RANBP2: variants seen among roughly 807,000 people sequenced by gnomAD.
RANBP2 encodes RAN binding protein 2.
Under a neutral mutation model 303.6 loss-of-function variants are expected in RANBP2, and 57 were observed. That is an observed-to-expected ratio of 0.19 (90% CI 0.15 to 0.23). The LOEUF (loss-of-function observed/expected upper bound fraction) is 0.23. Ranked by LOEUF, RANBP2 falls within the 10% of genes least tolerant of loss-of-function variation. The pLI, the probability that RANBP2 is intolerant of heterozygous loss-of-function variation, is 1.00. For synonymous variants in RANBP2, 1,167 were observed against 1,301.5 expected, an observed-to-expected ratio of 0.90 and a Z score of 2.23; for missense variants, 3,138 against 3,780.8, an observed-to-expected ratio of 0.83 and a Z score of 4.46.
chr2:109,078,851 T>C, the RANBP2 span, among the ~76,000 whole-genome samples: 7 of 145,304 alleles, frequency 4.8e-5, no homozygotes, highest in South Asian at 1.1e-3. Context: ...AATAGCCGGG[T>C]GTGGTGGCAC....
chr2:109,253,697 G>A, the RANBP2 span, among the ~76,000 whole-genome samples: 2 of 152,088 alleles, frequency 1.3e-5, no homozygotes, highest in African/African-American at 4.8e-5. Flanking sequence ...TGGCTGTCTG[G>A]AAAATAGAAC....
At chr2:109,106,241 A>G in the RANBP2 span, among the ~76,000 whole-genome samples, 2 of 152,158 alleles carry the variant, frequency 1.3e-5, no homozygotes, top group East Asian at 3.9e-4. Context: ...TATGCCCCTT[A>G]GAGAAATTCT....
chr2:109,028,710 G>A, the RANBP2 span, among the ~76,000 whole-genome samples: 345 of 152,174 alleles, frequency 2.3e-3, 1 homozygote, highest in African/African-American at 8.0e-3. Flanking sequence ...CAGTAGGCCC[G>A]GTTCTTGCCC....
At chr2:108,989,715 C>A in the RANBP2 span, among the ~76,000 whole-genome samples, 2 of 152,284 alleles carry the variant, frequency 1.3e-5, no homozygotes, top group East Asian at 1.9e-4. Context: ...CATACACACC[C>A]CCCGTATAAC....
the RANBP2 span, among the ~76,000 whole-genome samples, chr2:109,012,681 G>A: frequency 2.2e-4 from 34 of 152,316 alleles, no homozygotes; most frequent in South Asian, 4.1e-4. Flanking sequence ...TTGGGAGGCC[G>A]AGGCGGGTGG....
chr2:109,239,124 T>C, the RANBP2 span, among the ~76,000 whole-genome samples: 1 of 152,198 alleles, frequency 6.6e-6, no homozygotes. Flanking sequence ...TTTCCGAGTG[T>C]CCCAGAGCTC....
the RANBP2 span, among the ~76,000 whole-genome samples, chr2:109,067,702 A>T: frequency 1.3e-5 from 2 of 152,058 alleles, no homozygotes; most frequent in Non-Finnish European, 1.5e-5. Context: ...CTGCTCCCCA[A>T]ACCACCCTCT....
At chr2:109,300,850 A>G in the RANBP2 span, among the ~76,000 whole-genome samples, 2 of 152,232 alleles carry the variant, frequency 1.3e-5, no homozygotes, top group African/African-American at 4.8e-5. Flanking sequence ...CTCCTACTAA[A>G]TCAGAACGAC....
At chr2:109,343,530 TCTC>T in the RANBP2 span, among the ~76,000 whole-genome samples, 1 of 151,940 alleles carries the variant, frequency 6.6e-6, no homozygotes, top group African/African-American at 2.4e-5. Context: ...CTTCCCCACT[TCTC>T]CTCCTGGCTC....
the RANBP2 span, among the ~76,000 whole-genome samples, chr2:108,997,199 T>C: frequency 6.6e-6 from 1 of 152,100 alleles, no homozygotes; most frequent in African/African-American, 2.4e-5. Context: ...CCCAGCACTT[T>C]GGGAGGCTGA....
chr2:109,197,270 G>A, the RANBP2 span, among the ~76,000 whole-genome samples: 1 of 152,128 alleles, frequency 6.6e-6, no homozygotes, highest in Non-Finnish European at 1.5e-5. Flanking sequence ...TGGTCGTTAG[G>A]GATGCTGGGA....
At chr2:109,001,458 G>A in the RANBP2 span, among the ~76,000 whole-genome samples, 1 of 152,218 alleles carries the variant, frequency 6.6e-6, no homozygotes, top group Admixed American at 6.5e-5. Flanking sequence ...CCAGCCCCAT[G>A]GCTGGCTGGT....
At chr2:109,298,727 G>A in the RANBP2 span, among the ~76,000 whole-genome samples, 177 of 152,218 alleles carry the variant, frequency 1.2e-3, no homozygotes, top group Middle Eastern at 0.01. Flanking sequence ...TACCCCATCA[G>A]CTCACCCTGT....
At chr2:108,775,683 G>A (rs756619900) in intron 23 of RANBP2, 49 bp from the exon 24 acceptor site, 12 of 1,583,688 alleles carry the variant, frequency 7.6e-6, no homozygotes, top group Non-Finnish European at 9.5e-6. Flanking sequence ...AATCTGTTTT[G>A]TAAATTAGCA....
At chr2:109,433,655 C>T in the RANBP2 span, among the ~76,000 whole-genome samples, 2 of 152,202 alleles carry the variant, frequency 1.3e-5, no homozygotes, top group Non-Finnish European at 2.9e-5. Context: ...GCAGAGTGGT[C>T]TCGGGACACA....
the RANBP2 span, among the ~76,000 whole-genome samples, chr2:108,845,845 ACAGGCGTGAGCCACCGCGCC>A: frequency 2.0e-5 from 3 of 152,218 alleles, 1 homozygote; most frequent in Non-Finnish European, 4.4e-5. Context: ...TGTTGGGATT[ACAGGCGTGAGCCACCGCGCC>A]CAGCCTCATT....
chr2:109,409,698 G>A, the RANBP2 span, among the ~76,000 whole-genome samples: 1 of 152,026 alleles, frequency 6.6e-6, no homozygotes, highest in Non-Finnish European at 1.5e-5. Context: ...TGCCCTCCCC[G>A]AGAGGGAGAT....
chr2:109,623,132 AG>A, the RANBP2 span, among the ~76,000 whole-genome samples: 26 of 152,324 alleles, frequency 1.7e-4, no homozygotes, highest in African/African-American at 5.8e-4. Context: ...GTCTCAAAAA[AG>A]AAAACAACAA....
downstream of RANBP2, chr2:108,788,883 T>G (rs1679424283): frequency 1.2e-6 from 2 of 1,614,010 alleles, no homozygotes; most frequent in Non-Finnish European, 1.7e-6. Context: ...GAGATAAAGT[T>G]GGTTCATCGT....
Sources: allele counts gnomAD v4.1 joint callset (sites outside exome capture counted in the v4.1 genomes callset), GRCh38; gene constraint gnomAD v4.1.1; transcripts MANE v1.5; gene names NCBI Gene and HGNC (gene_info 2026-07-23, HGNC 2026-07-21).